The following ACSF3 variants were observed in gnomAD, a reference collection of about 807,000 sequenced individuals.
The protein encoded by ACSF3 is acyl-CoA synthetase family member 3, also known as malonate--CoA ligase ACSF3, mitochondrial.
ACSF3 carries 78 observed loss-of-function variants against 53.2 expected under a neutral mutation model. The observed-to-expected ratio is 1.47, with a 90% confidence interval of 1.22 to 1.77. The LOEUF (loss-of-function observed/expected upper bound fraction) is 1.77. Ranked by LOEUF, ACSF3 falls within the 40% of genes most tolerant of loss-of-function variation. The pLI is 0.00. For missense variants in ACSF3, 937 were observed against 771.1 expected (o/e 1.22, Z -2.55); for synonymous variants, 414 against 333.1 (o/e 1.24, Z -2.65).
intron 8 of ACSF3, among the ~76,000 whole-genome samples, chr16:89,144,273 A>G (rs1168971215): frequency 3.9e-5 from 6 of 152,248 alleles, no homozygotes; most frequent in Non-Finnish European, 1.5e-5. Flanking sequence ...TGGTTCCCAC[A>G]GGAGCTCCAG....
chr16:89,143,197 C>G (rs1459869711), intron 8 of ACSF3, among the ~76,000 whole-genome samples: 1 of 151,898 alleles, frequency 6.6e-6, no homozygotes, highest in Non-Finnish European at 1.5e-5. Flanking sequence ...TCCTCAGTGC[C>G]GTGCGTAGCT....
intron 4 of ACSF3, 30 bp downstream of exon 4, chr16:89,102,789 C>T (rs764683847): frequency 1.3e-6 from 2 of 1,585,198 alleles, no homozygotes; most frequent in Non-Finnish European, 1.7e-6. Context: ...CTCGGTTGCA[C>T]CCTCAGACTA....
At position 89,112,736 on chromosome 16, in the gene ACSF3, G is replaced by GTC. The variant is rs376963411; in HGVS notation, c.977+504_977+505dup. Among the ~76,000 whole-genome samples, 67 of 150,920 alleles carry GTC rather than the reference G, an allele frequency of 4.4e-4. 2 individuals carry two copies. Among genetic ancestry groups the GTC allele is most frequent in the Middle Eastern group, 6.8e-3 (2 of 292 alleles). ...TGTCTGTCTGCTCTCTCTCCTGTCC[G>GTC]TCTCTCTCTCTCTCTGTCATGGCGT... On this transcript the variant is annotated intron_variant, in intron 5 of 10. Coordinates refer to ENST00000614302, the MANE Select transcript of ACSF3 (RefSeq NM_001243279.3).
intron 10 of ACSF3, chr16:89,150,008 A>G (rs1913803948): frequency 6.6e-6 from 1 of 152,238 alleles, no homozygotes; most frequent in Admixed American, 6.5e-5. Context: ...AGTGGCTCAC[A>G]GTTCCACAGG....
chr16:89,113,589 G>A (rs1904442549), intron 5 of ACSF3: 1 of 154,456 alleles, frequency 6.5e-6, no homozygotes, highest in Admixed American at 6.4e-5. Flanking sequence ...TCGGCCATCT[G>A]GATCTCCCAG....
chr16:89,095,844 G>A (rs4782469), intron 1 of ACSF3, among the ~76,000 whole-genome samples: 32,265 of 152,200 alleles, frequency 0.21, 4,180 homozygotes, highest in South Asian at 0.41. Context: ...CATCTTAGCG[G>A]TGGGAAGTGA....
intron 7 of ACSF3, among the ~76,000 whole-genome samples, chr16:89,124,783 A>G (rs201080778): frequency 2.5e-5 from 2 of 78,774 alleles, no homozygotes; most frequent in East Asian, 4.9e-4. Context: ...CTGTGCGCAC[A>G]CTGCATGTGT....
intron 3 of ACSF3, 169 bp from the exon 4 acceptor site, chr16:89,102,435 T>C: frequency 1.3e-6 from 1 of 741,638 alleles, no homozygotes. Context: ...GCTGTGGTTT[T>C]GTCGTCATCT....
chr16:89,117,771 GC>G (rs970798179), intron 6 of ACSF3, among the ~76,000 whole-genome samples: 2 of 152,198 alleles, frequency 1.3e-5, no homozygotes, highest in Non-Finnish European at 2.9e-5. Context: ...ACAGGAAGGA[GC>G]CCCAGACAGA....
At chr16:89,111,840 C>T (rs989906350) in intron 4 of ACSF3, among the ~76,000 whole-genome samples, 13 of 152,238 alleles carry the variant, frequency 8.5e-5, no homozygotes, top group Middle Eastern at 3.2e-3. Flanking sequence ...CACGTCTCTC[C>T]AGGCCACAGA....
chr16:89,108,578 C>G (rs369994342), intron 4 of ACSF3, among the ~76,000 whole-genome samples: 11 of 152,332 alleles, frequency 7.2e-5, no homozygotes, highest in African/African-American at 2.2e-4. Flanking sequence ...AACCACGAAT[C>G]TGCTTTCTGC....
At chr16:89,125,472 C>T (rs887075158) in intron 7 of ACSF3, among the ~76,000 whole-genome samples, 3 of 152,100 alleles carry the variant, frequency 2.0e-5, no homozygotes, top group Non-Finnish European at 2.9e-5. Context: ...GCAGGCTAAT[C>T]AACTTGAGAC....
chr16:89,146,993 A>G (rs1449274416), intron 10 of ACSF3, among the ~76,000 whole-genome samples: 2 of 152,000 alleles, frequency 1.3e-5, no homozygotes, highest in South Asian at 2.1e-4. Flanking sequence ...TTTTTAATTT[A>G]TAAAGAAACG....
chr16:89,130,876 T>C (rs2151512687), intron 7 of ACSF3, among the ~76,000 whole-genome samples: 1 of 152,302 alleles, frequency 6.6e-6, no homozygotes, highest in East Asian at 1.9e-4. Context: ...CTCTGTGTGT[T>C]GACTTTCCTG....
At chr16:89,138,616 C>G (rs1911105496) in intron 8 of ACSF3, among the ~76,000 whole-genome samples, 2 of 152,262 alleles carry the variant, frequency 1.3e-5, no homozygotes, top group Non-Finnish European at 2.9e-5. Context: ...TGAAGCCCCT[C>G]TCTTCCCTTC....
intron 7 of ACSF3, among the ~76,000 whole-genome samples, chr16:89,125,360 G>A (rs911522041): frequency 7.1e-4 from 85 of 119,942 alleles, no homozygotes; most frequent in Non-Finnish European, 1.3e-3. Context: ...AAAAAAAAAA[G>A]AATTAGCTTG....
intron 1 of ACSF3, among the ~76,000 whole-genome samples, chr16:89,096,275 T>A (rs1974605927): frequency 6.6e-6 from 1 of 152,136 alleles, no homozygotes; most frequent in African/African-American, 2.4e-5. Flanking sequence ...ATTTGTCTGG[T>A]GGGCAGTGTC....
intron 1 of ACSF3, chr16:89,095,103 C>G (rs531936520): frequency 6.6e-6 from 1 of 152,220 alleles, no homozygotes; most frequent in African/African-American, 2.4e-5. Flanking sequence ...ACATGGTGGA[C>G]CCAGGAGCAC....
In ACSF3 at chr16:89,102,610, G is replaced by A. The variant is rs775694971; in HGVS notation, c.673G>A (p.Gly225Arg). 3.8e-5 allele frequency: 62 copies of A among 1,613,582 alleles called. No individual in the cohort carries two copies. Among genetic ancestry groups the A allele is most frequent in the Non-Finnish European group, 4.1e-5 (48 of 1,180,034 alleles). The change falls in exon 4 of 11, where the codon GGG becomes AGG. Residue 225 changes from glycine to arginine, a missense_variant. By Grantham distance (125) the Gly-to-Arg change is moderately radical (BLOSUM62 -2). Transcript: ENST00000614302. ...GTGCTCTCGTCCCCTGCAGGTGACC[G>A]GGCTGGTCCACAAGTGGGCATGGAC... The part of the protein sequence containing the change: ...THQNIRAVVT[G>R]LVHKWAWTKD...
Sources: gnomAD v4.1 joint callset for allele counts (sites outside exome capture counted in the v4.1 genomes callset) on GRCh38, gnomAD v4.1.1 for gene constraint, MANE v1.5 for transcripts, NCBI Gene and HGNC (gene_info 2026-07-23, HGNC 2026-07-21) for gene names.